Variants in SPDYA observed in about 807,000 individuals in gnomAD.
The protein encoded by SPDYA is speedy/RINGO cell cycle regulator family member A.
A neutral mutation model predicts 36.7 loss-of-function variants in SPDYA; 11 were observed. That is an observed-to-expected ratio of 0.30 (90% CI 0.19 to 0.50). SPDYA has a LOEUF of 0.50. Among genes scored for constraint, SPDYA ranks in the 20% least tolerant of loss-of-function variants. SPDYA has a pLI of 0.98. For synonymous variants in SPDYA, 115 were observed against 118.7 expected, an observed-to-expected ratio of 0.97 and a Z score of 0.20; for missense variants, 287 against 370.9, an observed-to-expected ratio of 0.77 and a Z score of 1.86.
At chr2:28,822,808 A>G (rs756344985) in intron 5 of SPDYA, among the ~76,000 whole-genome samples, 2 of 152,102 alleles carry the variant, frequency 1.3e-5, no homozygotes, top group Admixed American at 6.6e-5. Flanking sequence ...GGGTTTCACC[A>G]TGTTGGCCAG....
chr2:28,834,889 G>GTAGT (rs1668557079), intron 6 of SPDYA, among the ~76,000 whole-genome samples: 2 of 152,284 alleles, frequency 1.3e-5, no homozygotes, highest in South Asian at 4.1e-4. Flanking sequence ...AAAATTAAAA[G>GTAGT]TAGTTCCTCC....
Position 28,816,272 on chromosome 2 carries a change from G to T in SPDYA, c.235+23G>T, listed in dbSNP as rs140920298. Reference sequence around the variant, plus strand: ...TTGGTAGGTTTAAAATATTGTAATAGTGGTAATTATAAAGTACTAAAAACC... The same window carrying T: ...TTGGTAGGTTTAAAATATTGTAATATTGGTAATTATAAAGTACTAAAAACC... On this transcript the variant is annotated intron_variant, in intron 3 of 7. Transcript: ENST00000334056. The T allele has an allele frequency of 1.3e-3, 1,977 of 1,508,668 alleles. 24 individuals are homozygous for T. The African/African-American group carries it at 0.024, about 19-fold the overall frequency. The allele number at this position is 1,508,668 out of a possible 1,614,324, so 93.5% of individuals were successfully genotyped here. A position where few individuals can be genotyped will look rare whatever the true frequency, so the allele number is the denominator to read the frequency against.
chr2:28,824,954 TACTG>T (rs1324682669), intron 5 of SPDYA, among the ~76,000 whole-genome samples: 1 of 152,216 alleles, frequency 6.6e-6, no homozygotes, highest in Non-Finnish European at 1.5e-5. Flanking sequence ...TATTAGGTAA[TACTG>T]AGTACTATGT....
intron 6 of SPDYA, 134 bp from the exon 7 acceptor site, chr2:28,840,038 T>G (rs1213276339): frequency 2.5e-6 from 2 of 785,540 alleles, no homozygotes; most frequent in African/African-American, 3.5e-5. Context: ...TGGAAGTGCT[T>G]TGTTTTTTAA....
Position 28,850,139 on chromosome 2 carries a change from A to G in SPDYA, c.*198A>G, listed in dbSNP as rs1273927445. ...CAATCTATGGAAGCAGTGATTTTCA[A>G]TATAAAGTTCTATTTTGATATTTTT... On this transcript the variant is annotated 3_prime_UTR_variant, in exon 8 of 8. Transcript: ENST00000334056. 1.4e-6 allele frequency: 2 copies of G among 1,475,466 alleles called. No individual in the cohort carries two copies. Among genetic ancestry groups the G allele is most frequent in the Non-Finnish European group, 1.9e-6 (2 of 1,068,012 alleles). The allele number at this position is 1,475,466 out of a possible 1,614,324, so 91.4% of individuals were successfully genotyped here.
At chr2:28,823,280 G>T (rs1668215868) in intron 5 of SPDYA, among the ~76,000 whole-genome samples, 1 of 152,088 alleles carries the variant, frequency 6.6e-6, no homozygotes, top group Non-Finnish European at 1.5e-5. Context: ...TCTGTGAAAT[G>T]GTTTTCCAAT....
At chr2:28,825,615 C>T (rs1668296697) in intron 5 of SPDYA, among the ~76,000 whole-genome samples, 1 of 152,186 alleles carries the variant, frequency 6.6e-6, no homozygotes, top group Admixed American at 6.5e-5. Flanking sequence ...TATCATTCTT[C>T]CACATTACCT....
Position 28,819,085 on chromosome 2 carries a change from C to T in SPDYA, c.273C>T (p.Cys91=). The T allele has an allele frequency of 6.2e-7, 1 of 1,611,426 alleles. No individual in the cohort carries two copies. The highest frequency in any genetic ancestry group is 8.5e-7 in the Non-Finnish European group (1 of 1,178,748). Residue 91 remains cysteine (C), a synonymous_variant, in exon 4 of 8, where the codon TGC becomes TGT. Transcript: ENST00000334056. Reference sequence around the variant, plus strand: ...TTCAAGATTTCTTGTGGATGGACTGCTGCTGTAAAATTGCAGACAAGGTAA... The same window carrying T: ...TTCAAGATTTCTTGTGGATGGACTGTTGCTGTAAAATTGCAGACAAGGTAA... ...DLIQDFLWMD[C]CCKIADKYLL...
At chr2:28,816,304 G>A in intron 3 of SPDYA, 55 bp downstream of exon 3, 1 of 1,254,514 alleles carries the variant, frequency 8.0e-7, no homozygotes, top group Non-Finnish European at 1.1e-6. Flanking sequence ...AACCTAGAAT[G>A]TAAACATCTA....
intron 3 of SPDYA, among the ~76,000 whole-genome samples, chr2:28,816,538 A>C (rs1667987171): frequency 6.6e-6 from 1 of 152,162 alleles, no homozygotes; most frequent in South Asian, 2.1e-4. Context: ...AGCCCATGGC[A>C]TGAGTTTTAT....
At chr2:28,824,545 C>CTTTCTTTTTTT (rs1668269044) in intron 5 of SPDYA, among the ~76,000 whole-genome samples, 1 of 121,884 alleles carries the variant, frequency 8.2e-6, no homozygotes, top group Non-Finnish European at 1.6e-5. Flanking sequence ...TTTTTCTTTT[C>CTTTCTTTTTTT]TTTCTTTCTT....
rs962918783 is a variant in SPDYA, at chr2:28,842,863, A to G, written c.850+2394A>G. On this transcript the variant is annotated intron_variant, in intron 7 of 7. Transcript: ENST00000334056. ...GAACACATGATGCTACAGGAGTGGG[A>G]TAAGTCTCTCACTGCCTAAACAGCT... Among the ~76,000 whole-genome samples, 4 of 152,278 alleles carry G rather than the reference A, an allele frequency of 2.6e-5. No individual in the cohort carries two copies. In the South Asian group the frequency reaches 6.2e-4, roughly 24 times the overall value.
At chr2:28,849,087 T>C (rs947929707) in intron 7 of SPDYA, among the ~76,000 whole-genome samples, 1 of 151,594 alleles carries the variant, frequency 6.6e-6, no homozygotes, top group Non-Finnish European at 1.5e-5. Context: ...CTATAAAACA[T>C]CTATATTTAA....
intron 7 of SPDYA, among the ~76,000 whole-genome samples, chr2:28,845,598 G>A (rs190467431): frequency 1.4e-3 from 218 of 152,328 alleles, no homozygotes; most frequent in Non-Finnish European, 2.5e-3. Flanking sequence ...AGGCTGGAGT[G>A]CAATGGTGCG....
intron 4 of SPDYA, among the ~76,000 whole-genome samples, chr2:28,821,608 G>A (rs1668170717): frequency 6.6e-6 from 1 of 152,188 alleles, no homozygotes; most frequent in Non-Finnish European, 1.5e-5. Context: ...GATCTCAAGA[G>A]TACTTTACTG....
intron 5 of SPDYA, among the ~76,000 whole-genome samples, chr2:28,827,335 T>C: frequency 6.6e-6 from 1 of 152,242 alleles, no homozygotes; most frequent in Middle Eastern, 3.2e-3. Context: ...CTTCAGCTTA[T>C]GTCTAATATG....
chr2:28,822,205 A>G (rs1021816378), intron 4 of SPDYA, 120 bp from the exon 5 acceptor site: 6 of 459,016 alleles, frequency 1.3e-5, no homozygotes, highest in African/African-American at 1.2e-4. Flanking sequence ...CAATTCTATA[A>G]TAAGTAACAC....
rs113235346 is a variant in SPDYA at position 28,816,795 on chromosome 2, A to AC, written c.235+546_235+547insC. Reference sequence around the variant, plus strand: ...TATGAGACAGTGCTACTTTGCTGATAATTTCTTAACATTGGCAAAAAGAAA... The same window carrying AC: ...TATGAGACAGTGCTACTTTGCTGATACATTTCTTAACATTGGCAAAAAGAAA... On this transcript the variant is annotated intron_variant, in intron 3 of 7. Coordinates refer to ENST00000334056, the MANE Select transcript of SPDYA (RefSeq NM_182756.4). Among the ~76,000 whole-genome samples the AC allele has an allele frequency of 6.5e-3, 984 of 152,282 alleles. 9 individuals are homozygous for AC. Among genetic ancestry groups the AC allele is most frequent in the African/African-American group, 0.018 (758 of 41,552 alleles).
intron 6 of SPDYA, 24 bp from the exon 7 acceptor site, chr2:28,840,148 C>T: frequency 6.3e-7 from 1 of 1,590,986 alleles, no homozygotes; most frequent in Middle Eastern, 1.7e-4. Flanking sequence ...TACTAAAATT[C>T]TAAAAGTTAG....
Sources: allele counts gnomAD v4.1 joint callset (sites outside exome capture counted in the v4.1 genomes callset), GRCh38; gene constraint gnomAD v4.1.1; transcripts MANE v1.5; gene names NCBI Gene and HGNC (gene_info 2026-07-23, HGNC 2026-07-21).